Variants in SLC25A33 observed in about 807,000 individuals in gnomAD.
SLC25A33 encodes the protein solute carrier family 25 member 33.
In SLC25A33, 15 loss-of-function variants were observed where a neutral mutation model predicts 35.5. That is an observed-to-expected ratio of 0.42 (90% CI 0.28 to 0.65). The LOEUF is 0.65. Ranked by LOEUF, SLC25A33 falls within the 30% of genes least tolerant of loss-of-function variation. The pLI is 0.20. For synonymous variants in SLC25A33, 136 were observed against 148.7 expected, an observed-to-expected ratio of 0.91 and a Z score of 0.62; for missense variants, 257 against 398.5, an observed-to-expected ratio of 0.64 and a Z score of 3.02.
intron 5 of SLC25A33, among the ~76,000 whole-genome samples, chr1:9,575,212 CAA>C (rs909942057): frequency 2.5e-3 from 145 of 58,706 alleles, no homozygotes; most frequent in African/African-American, 9.1e-3. Flanking sequence ...GACTCTGGCT[CAA>C]AAAAAAAAAA....
At chr1:9,565,158 G>A (rs778688112) in intron 2 of SLC25A33, among the ~76,000 whole-genome samples, 2 of 152,128 alleles carry the variant, frequency 1.3e-5, no homozygotes, top group Non-Finnish European at 2.9e-5. Context: ...AAGATGAAAA[G>A]GTTCTGGAGG....
rs1401763707 is a variant in SLC25A33, at chr1:9,579,964, T to C, written c.493T>C (p.Ser165Pro). 25 of 1,613,304 alleles carry C rather than the reference T, an allele frequency of 1.5e-5. No homozygotes were observed. The highest frequency in any genetic ancestry group is 2.0e-5 in the Non-Finnish European group (24 of 1,179,690). ...GTCTCTTTTATGCAGAGTGAGGGGCTCTAAGCAGATGAATACACTCCAGTG... is the reference window on the plus strand; with the variant it reads ...GTCTCTTTTATGCAGAGTGAGGGGCCCTAAGCAGATGAATACACTCCAGTG... ...RMQLEQKVRG[S>P]KQMNTLQCAR... The change falls in exon 6 of 7, where the codon TCT becomes CCT. Residue 165 changes from serine to proline, a missense_variant. Physicochemically the swap from Ser to Pro is moderately conservative, Grantham distance 74. Transcript: ENST00000302692.
chr1:9,553,024 T>A (rs1214388490), intron 1 of SLC25A33, among the ~76,000 whole-genome samples: 1 of 148,866 alleles, frequency 6.7e-6, no homozygotes, highest in Non-Finnish European at 1.5e-5. Flanking sequence ...CCTGAGTAGC[T>A]GGGATTACAG....
chr1:9,546,243 GGT>G (rs887207794), intron 1 of SLC25A33, among the ~76,000 whole-genome samples: 1 of 138,730 alleles, frequency 7.2e-6, no homozygotes, highest in Non-Finnish European at 1.5e-5. Context: ...GGAGTGCAGT[GGT>G]GCGATCTCGG....
At chr1:9,581,364 C>CATACA (rs1337837904) in intron 6 of SLC25A33, among the ~76,000 whole-genome samples, 3 of 152,164 alleles carry the variant, frequency 2.0e-5, no homozygotes, top group Non-Finnish European at 4.4e-5. Flanking sequence ...TGCCATACTT[C>CATACA]ATACAAATTA....
intron 2 of SLC25A33, among the ~76,000 whole-genome samples, chr1:9,560,359 T>TA (rs1643404905): frequency 6.6e-6 from 1 of 151,944 alleles, no homozygotes; most frequent in Admixed American, 6.6e-5. Context: ...GGTCAGGAGA[T>TA]AGAGACTATC....
chr1:9,553,203 G>GTTTTTTTTT (rs550067186), intron 1 of SLC25A33, among the ~76,000 whole-genome samples: 3 of 56,482 alleles, frequency 5.3e-5, no homozygotes, highest in Non-Finnish European at 9.7e-5. Context: ...TTCTAGTTTT[G>GTTTTTTTTT]TTTTTTTTTT....
rs991651686 is a variant in SLC25A33 at position 9,556,204 on chromosome 1, C to A, written c.236+2399C>A. 10 of 985,404 alleles carry A rather than the reference C, an allele frequency of 1.0e-5. No individual in the cohort carries two copies. The East Asian group carries it at 1.1e-3, about 112-fold the overall frequency. The allele number at this position is 985,404 out of a possible 1,614,324, so 61.0% of individuals were successfully genotyped here. A position where few individuals can be genotyped will look rare whatever the true frequency, so the allele number is the denominator to read the frequency against. On this transcript the variant is annotated intron_variant, in intron 2 of 6. Transcript: ENST00000302692. ...TAGGCGGTGCCAGTGTCCCGGGTGA[C>A]ACCTTTCTTCTAAGGAACATGCAGT...
At chr1:9,580,369 A>G (rs1224817348) in intron 6 of SLC25A33, 135 bp downstream of exon 6, 1 of 1,138,590 alleles carries the variant, frequency 8.8e-7, no homozygotes, top group Non-Finnish European at 1.2e-6. Context: ...TGAGGGAAAC[A>G]GCTCTAACCG....
chr1:9,545,640 A>T (rs1643156246), intron 1 of SLC25A33, among the ~76,000 whole-genome samples: 1 of 144,744 alleles, frequency 6.9e-6, no homozygotes, highest in African/African-American at 2.6e-5. Context: ...TGATCTCGTG[A>T]TCCACCCGCC....
At chr1:9,568,458 A>G (rs1159303374) in intron 3 of SLC25A33, among the ~76,000 whole-genome samples, 1 of 152,050 alleles carries the variant, frequency 6.6e-6, no homozygotes, top group East Asian at 1.9e-4. Context: ...AGAAAAAACA[A>G]AACAAAACAA....
At chr1:9,555,365 A>G (rs541056198) in intron 2 of SLC25A33, among the ~76,000 whole-genome samples, 40 of 151,974 alleles carry the variant, frequency 2.6e-4, no homozygotes, top group South Asian at 1.7e-3. Context: ...TGATCCGCCC[A>G]CCTTGACCTC....
chr1:9,553,230 G>GTTTTTTTTTTTTTT (rs1340250968), intron 1 of SLC25A33, among the ~76,000 whole-genome samples: 13 of 91,214 alleles, frequency 1.4e-4, no homozygotes, highest in Non-Finnish European at 1.6e-4. Flanking sequence ...TTTTTTTTGG[G>GTTTTTTTTTTTTTT]TTTTTTTTTT....
intron 1 of SLC25A33, among the ~76,000 whole-genome samples, chr1:9,550,952 A>G (rs1291515497): frequency 2.0e-5 from 3 of 152,040 alleles, no homozygotes; most frequent in African/African-American, 7.2e-5. Context: ...TGCTAGGATT[A>G]CAGGCATGAG....
At chr1:9,545,216 T>C (rs1557523151) in intron 1 of SLC25A33, among the ~76,000 whole-genome samples, 1 of 151,992 alleles carries the variant, frequency 6.6e-6, no homozygotes, top group Non-Finnish European at 1.5e-5. Context: ...TTTTTTTTGT[T>C]TTGTTTGTTT....
Position 9,583,991 on chromosome 1 carries a change from T to A in SLC25A33, c.*1490T>A, listed in dbSNP as rs1368639281. The A allele has an allele frequency of 3.6e-5, 5 of 140,774 alleles. No homozygotes were observed. The East Asian group carries it at 1.0e-3, about 29-fold the overall frequency. 8.7% of individuals were successfully genotyped at this position (140,774 alleles called of 1,614,324 possible). The stretch of plus-strand genomic sequence containing the variant: ...GCCTGGGCCACAGAGTGCGACTCCA[T>A]CTCAAAAAAAAAAAAAAAACCAGGA... On this transcript the variant is annotated 3_prime_UTR_variant, in exon 7 of 7. Coordinates refer to ENST00000302692, the MANE Select transcript of SLC25A33 (RefSeq NM_032315.3).
intron 2 of SLC25A33, among the ~76,000 whole-genome samples, chr1:9,557,971 T>A (rs1023476362): frequency 6.6e-6 from 1 of 152,204 alleles, no homozygotes; most frequent in Non-Finnish European, 1.5e-5. Context: ...TTTAAAAAAT[T>A]GTGGGTACAT....
chr1:9,545,573 T>C (rs1375379714), intron 1 of SLC25A33, among the ~76,000 whole-genome samples: 1 of 151,802 alleles, frequency 6.6e-6, no homozygotes, highest in Non-Finnish European at 1.5e-5. Flanking sequence ...AATTTTTTTT[T>C]TGTATTTTTA....
At chr1:9,553,007 T>C (rs898976227) in intron 1 of SLC25A33, among the ~76,000 whole-genome samples, 1 of 138,772 alleles carries the variant, frequency 7.2e-6, no homozygotes, top group East Asian at 2.4e-4. Context: ...AACCTCTGCC[T>C]CAGCCTCCTG....
Sources: gnomAD v4.1 joint callset for allele counts (sites outside exome capture counted in the v4.1 genomes callset) on GRCh38, gnomAD v4.1.1 for gene constraint, MANE v1.5 for transcripts, NCBI Gene and HGNC (gene_info 2026-07-23, HGNC 2026-07-21) for gene names.